The following PREX2 variants were observed in gnomAD, a reference collection of about 807,000 sequenced individuals.
PREX2 encodes phosphatidylinositol 3,4,5-trisphosphate-dependent Rac exchanger 2 protein.
PREX2 carries 107 observed loss-of-function variants against 203.2 expected under a neutral mutation model. The ratio of observed to expected loss-of-function variants is 0.53; its 90% CI spans 0.45 to 0.62. The LOEUF is 0.62. Among genes scored for constraint, PREX2 ranks in the 20% least tolerant of loss-of-function variants. The probability of loss-of-function intolerance (pLI) is 0.00; values close to 1 mark genes in which losing one functional copy is unlikely to be tolerated. For synonymous variants in PREX2, 672 were observed against 663.6 expected (o/e 1.01, Z -0.19); for missense variants, 1,777 against 1,955.9 (o/e 0.91, Z 1.72).
At chr8:68,139,549 T>A (rs1242099466) in intron 33 of PREX2, among the ~76,000 whole-genome samples, 1 of 152,194 alleles carries the variant, frequency 6.6e-6, no homozygotes, top group Non-Finnish European at 1.5e-5. Context: ...GTGTGTTCCA[T>A]ATTAAAAGGC....
chr8:68,157,394 C>T lies in PREX2; in HGVS notation c.4304C>T (p.Ala1435Val), dbSNP rs765648339. 8 of 1,612,280 alleles carry T rather than the reference C, an allele frequency of 5.0e-6. No individual in the cohort carries two copies. In the African/African-American group the frequency reaches 1.1e-4, roughly 22 times the overall value. Residue 1435 changes from alanine (A) to valine (V), a missense_variant, in exon 35 of 40, where the codon GCA (alanine) becomes GTA (valine). Physicochemically the swap from Ala to Val is moderately conservative, Grantham distance 64. Coordinates refer to ENST00000288368, the MANE Select transcript of PREX2 (RefSeq NM_024870.4). ...GAAGAATTTCAAGCTCAGATAAATG[C>T]AGCCTCACTGGAAAAGGTCAAACAG... ...SVEEFQAQIN[A>V]ASLEKVKQYN...
At chr8:68,188,603 G>A (rs947463774) in intron 35 of PREX2, among the ~76,000 whole-genome samples, 1 of 152,196 alleles carries the variant, frequency 6.6e-6, no homozygotes, top group African/African-American at 2.4e-5. Context: ...ACGTGGCTGG[G>A]GAGGCCTCAC....
At chr8:68,004,674 C>A (rs72660846) in intron 1 of PREX2, among the ~76,000 whole-genome samples, 12,304 of 152,220 alleles carry the variant, frequency 0.081, 525 homozygotes, top group South Asian at 0.12. Flanking sequence ...AAACATTTGT[C>A]ATCTCTAAAA....
chr8:68,059,020 T>A (rs562878147), intron 10 of PREX2, among the ~76,000 whole-genome samples: 16 of 152,366 alleles, frequency 1.1e-4, no homozygotes, highest in Non-Finnish European at 1.9e-4. Flanking sequence ...TAAAGTATTT[T>A]TGTAGTCTAG....
intron 1 of PREX2, among the ~76,000 whole-genome samples, chr8:67,954,830 A>C (rs573655803): frequency 6.6e-6 from 1 of 152,328 alleles, no homozygotes; most frequent in South Asian, 2.1e-4. Context: ...ATTTTTACTT[A>C]ACTGCCCTAT....
At chr8:68,195,051 T>C (rs1053220419) in intron 37 of PREX2, among the ~76,000 whole-genome samples, 2 of 152,184 alleles carry the variant, frequency 1.3e-5, no homozygotes, top group Admixed American at 6.5e-5. Flanking sequence ...TCCTTCAGAC[T>C]TTGAAACTAT....
intron 34 of PREX2, among the ~76,000 whole-genome samples, chr8:68,147,252 A>G (rs749234141): frequency 2.6e-5 from 4 of 152,230 alleles, no homozygotes; most frequent in East Asian, 1.9e-4. Flanking sequence ...GTATCTATCT[A>G]TATAACTAAA....
chr8:68,221,306 A>C (rs1439634945), intron 38 of PREX2, among the ~76,000 whole-genome samples: 2 of 152,138 alleles, frequency 1.3e-5, no homozygotes, highest in African/African-American at 2.4e-5. Context: ...GCTATTGTGA[A>C]TAAAAGAGAA....
At chr8:68,162,737 G>C (rs1171310056) in intron 35 of PREX2, among the ~76,000 whole-genome samples, 1 of 152,144 alleles carries the variant, frequency 6.6e-6, no homozygotes, top group Non-Finnish European at 1.5e-5. Flanking sequence ...CAGGGAGAAA[G>C]AGGCCATGTT....
intron 16 of PREX2, 44 bp downstream of exon 16, chr8:68,080,629 C>A: frequency 6.6e-7 from 1 of 1,516,948 alleles, no homozygotes; most frequent in Non-Finnish European, 9.0e-7. Flanking sequence ...CTTGATTAGA[C>A]ACTAGCAGAA....
rs760033679 is a variant in PREX2, at chr8:68,134,036, C to A, written c.3767-23C>A. ...CATCTGCAACATTTTTCGAAGCATT[C>A]TCTATGTTCTCTTTGATCACAGATA... On this transcript the variant is annotated intron_variant, in intron 31 of 39. Coordinates refer to ENST00000288368, the MANE Select transcript of PREX2 (RefSeq NM_024870.4). The A allele has an allele frequency of 1.9e-6, 3 of 1,597,286 alleles. No homozygotes were observed. The African/African-American group carries it at 4.0e-5, about 21-fold the overall frequency.
At chr8:68,137,520 C>T (rs1249977412) in intron 32 of PREX2, among the ~76,000 whole-genome samples, 9 of 152,144 alleles carry the variant, frequency 5.9e-5, no homozygotes, top group Admixed American at 5.9e-4. Context: ...ATCCTCCTGC[C>T]TCGGCCTCCC....
In PREX2 at chr8:68,014,341, A is replaced by C. The variant is rs145552012; in HGVS notation, c.142-3505A>C. On this transcript the variant is annotated intron_variant, in intron 1 of 39. Transcript: ENST00000288368. ...AAGAGTACTCTGGGAAAAAGCCCAT[A>C]ACTAGAGTGATATCTAGGAATATTT... 6.7e-3 allele frequency among the ~76,000 whole-genome samples: 1,023 copies of C among 152,324 alleles called. 3 individuals carry two copies. Among genetic ancestry groups the C allele is most frequent in the Admixed American group, 9.6e-3 (147 of 15,292 alleles).
At chr8:68,120,477 CTGTT>C (rs1810749576) in intron 29 of PREX2, among the ~76,000 whole-genome samples, 191 bp downstream of exon 29, 2 of 152,104 alleles carry the variant, frequency 1.3e-5, no homozygotes, top group South Asian at 4.1e-4. Context: ...TTTTACATGT[CTGTT>C]TCTTTGAAAG....
chr8:68,099,018 A>G (rs1487446890), intron 22 of PREX2, among the ~76,000 whole-genome samples: 3 of 144,622 alleles, frequency 2.1e-5, no homozygotes, highest in Admixed American at 7.2e-5. Flanking sequence ...ATTCTTAGTG[A>G]TTGATGGTAC....
At chr8:68,120,083 G>A in intron 28 of PREX2, 113 bp from the exon 29 acceptor site, 1 of 630,016 alleles carries the variant, frequency 1.6e-6, no homozygotes, top group Admixed American at 3.0e-5. Flanking sequence ...AGCATCATGG[G>A]GTTTCAAAAA....
intron 7 of PREX2, among the ~76,000 whole-genome samples, chr8:68,044,199 A>C (rs1191966540): frequency 1.3e-5 from 2 of 152,050 alleles, no homozygotes; most frequent in African/African-American, 4.8e-5. Flanking sequence ...GGGCACCGCT[A>C]ATGTCTTATA....
chr8:67,997,338 T>C (rs1333817458), intron 1 of PREX2, among the ~76,000 whole-genome samples: 1 of 152,152 alleles, frequency 6.6e-6, no homozygotes, highest in Non-Finnish European at 1.5e-5. Context: ...TACTGAACCC[T>C]ATATGCTGTT....
intron 1 of PREX2, among the ~76,000 whole-genome samples, chr8:67,985,104 C>T (rs1361876648): frequency 6.6e-6 from 1 of 151,988 alleles, no homozygotes; most frequent in Non-Finnish European, 1.5e-5. Context: ...TTGCCAGTTG[C>T]TAGGCAGAGA....
Sources: allele counts gnomAD v4.1 joint callset (sites outside exome capture counted in the v4.1 genomes callset), GRCh38; gene constraint gnomAD v4.1.1; transcripts MANE v1.5; gene names NCBI Gene and HGNC (gene_info 2026-07-23, HGNC 2026-07-21).